The following RIMS2 variants were observed in gnomAD, a reference collection of about 807,000 sequenced individuals.
RIMS2 encodes the protein regulating synaptic membrane exocytosis protein 2.
A neutral mutation model predicts 174.4 loss-of-function variants in RIMS2; 59 were observed. The ratio of observed to expected loss-of-function variants is 0.34; its 90% CI spans 0.27 to 0.42. The LOEUF is 0.42. Among genes scored for constraint, RIMS2 ranks in the 10% least tolerant of loss-of-function variants. The pLI is 1.00. For missense variants in RIMS2, 1,620 were observed against 1,666.3 expected (o/e 0.97, Z 0.48); for synonymous variants, 606 against 572.5 (o/e 1.06, Z -0.84).
intron 4 of RIMS2, among the ~76,000 whole-genome samples, chr8:103,899,901 G>A (rs970006038): frequency 6.6e-6 from 1 of 151,722 alleles, no homozygotes; most frequent in East Asian, 1.9e-4. Context: ...TTTGTATAAG[G>A]TGTAAGGAAG....
chr8:104,015,591 T>C (rs939990805), intron 19 of RIMS2: 13 of 422,682 alleles, frequency 3.1e-5, no homozygotes, highest in Admixed American at 4.3e-5. Context: ...TGTTTTATGA[T>C]ATCTGACAAA....
At chr8:104,149,854 A>G (rs2098675130) in intron 19 of RIMS2, among the ~76,000 whole-genome samples, 1 of 152,168 alleles carries the variant, frequency 6.6e-6, no homozygotes, top group Non-Finnish European at 1.5e-5. Context: ...ATTTAACAAT[A>G]TTATATTGAA....
At chr8:104,091,580 G>A (rs1358429451) in intron 19 of RIMS2, among the ~76,000 whole-genome samples, 2 of 150,108 alleles carry the variant, frequency 1.3e-5, no homozygotes, top group Admixed American at 1.3e-4. Flanking sequence ...AATAAATTTT[G>A]TGAAAATATG....
chr8:104,171,180 C>CATGG (rs1327542357), intron 19 of RIMS2, among the ~76,000 whole-genome samples: 5 of 152,004 alleles, frequency 3.3e-5, no homozygotes, highest in Admixed American at 3.3e-4. Context: ...TTTAGATGTC[C>CATGG]AGATCTCTAG....
intron 19 of RIMS2, among the ~76,000 whole-genome samples, chr8:104,026,132 A>G (rs1264090815): frequency 1.3e-5 from 2 of 152,218 alleles, no homozygotes; most frequent in East Asian, 3.8e-4. Flanking sequence ...TTTTAATCAA[A>G]TGACTTGCAT....
intron 1 of RIMS2, 149 bp from the exon 2 acceptor site, chr8:103,652,056 T>C (rs1277695379): frequency 9.6e-6 from 2 of 207,890 alleles, no homozygotes; most frequent in Non-Finnish European, 2.0e-5. Context: ...TAAAATTGAT[T>C]GAAATGTATA....
chr8:104,099,700 T>C (rs2097835292), intron 19 of RIMS2, among the ~76,000 whole-genome samples: 2 of 152,324 alleles, frequency 1.3e-5, no homozygotes, highest in South Asian at 2.1e-4. Context: ...AATTTCAGGA[T>C]TGTTGCCATT....
At chr8:103,580,861 G>A (rs201585984) in intron 1 of RIMS2, among the ~76,000 whole-genome samples, 74 of 127,148 alleles carry the variant, frequency 5.8e-4, no homozygotes, top group East Asian at 3.0e-3. Context: ...ACAGAGTCTC[G>A]CTCTGTCACC....
intron 2 of RIMS2, among the ~76,000 whole-genome samples, chr8:103,725,143 C>T (rs539710015): frequency 6.6e-6 from 1 of 152,188 alleles, no homozygotes; most frequent in African/African-American, 2.4e-5. Flanking sequence ...CCCCCACCCC[C>T]ACATTTGTTA....
chr8:104,206,896 G>A (rs1330510253), intron 19 of RIMS2, among the ~76,000 whole-genome samples: 3 of 152,202 alleles, frequency 2.0e-5, no homozygotes, highest in Non-Finnish European at 4.4e-5. Context: ...AGTTCTGTAT[G>A]GAAGAAAGCA....
intron 19 of RIMS2, among the ~76,000 whole-genome samples, chr8:104,039,756 C>G (rs573260247): frequency 5.3e-4 from 80 of 151,768 alleles, no homozygotes; most frequent in African/African-American, 1.9e-3. Context: ...GATTATCCTA[C>G]CTTATTCTTC....
chr8:103,657,866 T>C (rs1021959413), intron 1 of RIMS2, among the ~76,000 whole-genome samples: 1 of 152,190 alleles, frequency 6.6e-6, no homozygotes, highest in African/African-American at 2.4e-5. Context: ...CAAAGTTCAA[T>C]AGAGGTGTGG....
chr8:103,892,707 T>G (rs2099254001), intron 4 of RIMS2, among the ~76,000 whole-genome samples: 1 of 152,060 alleles, frequency 6.6e-6, no homozygotes, highest in Non-Finnish European at 1.5e-5. Flanking sequence ...TAAATTCCTT[T>G]GTTGCTATAT....
chr8:103,850,172 T>C (rs1225732864), intron 3 of RIMS2, among the ~76,000 whole-genome samples: 1 of 152,056 alleles, frequency 6.6e-6, no homozygotes, highest in African/African-American at 2.4e-5. Flanking sequence ...TTTAAGGTAA[T>C]ATTCCTAATC....
chr8:104,018,194 C>T (rs939318696), intron 19 of RIMS2, among the ~76,000 whole-genome samples: 4 of 152,074 alleles, frequency 2.6e-5, no homozygotes, highest in African/African-American at 9.7e-5. Context: ...TTTACTTTTG[C>T]TTCTGCAAGT....
chr8:103,615,882 A>G (rs2095492736), intron 1 of RIMS2, among the ~76,000 whole-genome samples: 1 of 152,206 alleles, frequency 6.6e-6, no homozygotes, highest in Non-Finnish European at 1.5e-5. Context: ...AGTAGTAAGT[A>G]GCCTGAAAAC....
At chr8:104,118,721 TTGAC>T (rs2098325049) in intron 19 of RIMS2, among the ~76,000 whole-genome samples, 1 of 152,080 alleles carries the variant, frequency 6.6e-6, no homozygotes, top group Non-Finnish European at 1.5e-5. Flanking sequence ...CTATAACAAA[TTGAC>T]TGGGTGGTTT....
chr8:103,675,113 T>C (rs2096791823), intron 1 of RIMS2, among the ~76,000 whole-genome samples: 1 of 152,208 alleles, frequency 6.6e-6, no homozygotes, highest in African/African-American at 2.4e-5. Flanking sequence ...GGTTTCACTA[T>C]GTTGGCCTGG....
chr8:103,980,411 T>G (rs145307078), intron 16 of RIMS2, among the ~76,000 whole-genome samples: 1 of 152,130 alleles, frequency 6.6e-6, no homozygotes, highest in Non-Finnish European at 1.5e-5. Flanking sequence ...CCCTGGGCGC[T>G]GAATAACCAG....
Sources: allele counts gnomAD v4.1 joint callset (sites outside exome capture counted in the v4.1 genomes callset), GRCh38; gene constraint gnomAD v4.1.1; transcripts MANE v1.5; gene names NCBI Gene and HGNC (gene_info 2026-07-23, HGNC 2026-07-21).